The following TNMD variants were observed in gnomAD, a reference collection of about 807,000 sequenced individuals.
TNMD encodes the protein BRICHOS domain containing 4.
A neutral mutation model predicts 26.9 loss-of-function variants in TNMD; 15 were observed. The ratio of observed to expected loss-of-function variants is 0.56; its 90% CI spans 0.37 to 0.86. The LOEUF (loss-of-function observed/expected upper bound fraction) is 0.86, where lower values mean the gene tolerates loss of function less well. Ranked by LOEUF, TNMD falls within the 40% of genes least tolerant of loss-of-function variation. The pLI is 0.00. For synonymous variants in TNMD, 73 were observed against 77.0 expected (o/e 0.95, Z 0.27); for missense variants, 222 against 242.6 (o/e 0.92, Z 0.56).
intron 4 of TNMD, among the ~76,000 whole-genome samples, chrX:100,596,035 C>G (rs1412459146): frequency 8.9e-6 from 1 of 112,337 alleles, no homozygotes; most frequent in African/African-American, 3.2e-5. Flanking sequence ...AAGATTAAGG[C>G]AAAGGAGGCG....
chrX:100,587,422 G>A (rs1412054234), intron 2 of TNMD, among the ~76,000 whole-genome samples: 1 of 112,135 alleles, frequency 8.9e-6, no homozygotes, highest in African/African-American at 3.2e-5. Flanking sequence ...ATCCATTTTG[G>A]GATGTCATTT....
intron 5 of TNMD, among the ~76,000 whole-genome samples, chrX:100,598,237 G>C (rs1373765483): frequency 9.0e-6 from 1 of 111,405 alleles, no homozygotes; most frequent in Non-Finnish European, 1.9e-5. Flanking sequence ...AGTCTGTTTA[G>C]CTAACATGGA....
intron 5 of TNMD, 32 bp from the exon 6 acceptor site, chrX:100,598,984 G>A: frequency 8.7e-7 from 1 of 1,149,808 alleles, no homozygotes; most frequent in Non-Finnish European, 1.2e-6. Context: ...TTGCAAAGCA[G>A]TTGCATCACA....
At chrX:100,588,050 TA>T (rs1338202485) in intron 2 of TNMD, among the ~76,000 whole-genome samples, 8 of 111,838 alleles carry the variant, frequency 7.2e-5, no homozygotes, top group Non-Finnish European at 1.5e-4. Flanking sequence ...TTTGCTCTCC[TA>T]GCCTCCACCA....
chrX:100,586,993 G>A (rs1372867488), intron 2 of TNMD, among the ~76,000 whole-genome samples: 2 of 112,445 alleles, frequency 1.8e-5, no homozygotes, highest in Non-Finnish European at 3.8e-5. Flanking sequence ...CAGCCATAAT[G>A]TACTTAACTG....
At position 100,585,204 on chromosome X, in the gene TNMD, G is replaced by A. The variant is rs187400193; in HGVS notation, c.49-27G>A. 60 of 1,201,582 alleles carry A rather than the reference G, an allele frequency of 5.0e-5. 1 individual carries two copies. The East Asian group carries it at 1.7e-3, about 33-fold the overall frequency. On this transcript the variant is annotated intron_variant, in intron 1 of 6. Transcript: ENST00000373031. ...TGCTTATTGAGATTTATTGTGTATT[G>A]TTTTATTCTCTCTGTTCTTTGGTTA...
In TNMD at chrX:100,598,893, C is replaced by A. The variant is rs914789238; in HGVS notation, c.578-123C>A. On this transcript the variant is annotated intron_variant, in intron 5 of 6. Coordinates refer to ENST00000373031, the MANE Select transcript of TNMD (RefSeq NM_022144.3). ...AAGGAGCTTGGAAAAGTGGTCCATGCCTAAATGATGCCAGTTAGAAGACAC... is the reference window on the plus strand; with the variant it reads ...AAGGAGCTTGGAAAAGTGGTCCATGACTAAATGATGCCAGTTAGAAGACAC... The A allele has an allele frequency of 2.5e-5, 13 of 527,382 alleles. No individual in the cohort carries two copies. In the East Asian group the frequency reaches 4.7e-4, roughly 19 times the overall value. The allele number at this position is 527,382 out of a possible 1,213,427, so 43.5% of individuals were successfully genotyped here. A position where few individuals can be genotyped will look rare whatever the true frequency, so the allele number is the denominator to read the frequency against.
chrX:100,586,338 T>C (rs1414444303), intron 2 of TNMD, among the ~76,000 whole-genome samples: 1 of 111,445 alleles, frequency 9.0e-6, no homozygotes, highest in Non-Finnish European at 1.9e-5. Context: ...GTAACAGATG[T>C]AGGGAGAAAA....
At position 100,594,366 on chromosome X, in the gene TNMD, T is replaced by C; in HGVS notation, c.423+4T>C. ...ACCAGAAGAGGAAATAGATGAGGTATGTAAGAAGAATAATTGTGGTGGCAA... is the reference window on the plus strand; with the variant it reads ...ACCAGAAGAGGAAATAGATGAGGTACGTAAGAAGAATAATTGTGGTGGCAA... On this transcript the variant is annotated splice_donor_region_variant and intron_variant, in intron 4 of 6. Coordinates refer to ENST00000373031, the MANE Select transcript of TNMD (RefSeq NM_022144.3). The C allele has an allele frequency of 8.9e-7, 1 of 1,120,970 alleles. No individual in the cohort carries two copies. Among genetic ancestry groups the C allele is most frequent in the Non-Finnish European group, 1.2e-6 (1 of 821,449 alleles). The allele number at this position is 1,120,970 out of a possible 1,213,427, so 92.4% of individuals were successfully genotyped here.
chrX:100,593,695 C>A, intron 2 of TNMD, 200 bp from the exon 3 acceptor site: 1 of 369,219 alleles, frequency 2.7e-6, no homozygotes, highest in Non-Finnish European at 4.5e-6. Flanking sequence ...ACTTTATAGG[C>A]TGGTTTGCAA....
intron 2 of TNMD, among the ~76,000 whole-genome samples, chrX:100,593,102 T>C (rs780099464): frequency 8.9e-6 from 1 of 112,147 alleles, no homozygotes; most frequent in African/African-American, 3.2e-5. Context: ...AGAAATACAA[T>C]TGCCTCTTTT....
chrX:100,593,464 T>C, intron 2 of TNMD: 3 of 600,714 alleles, frequency 5.0e-6, no homozygotes, highest in South Asian at 1.7e-4. Flanking sequence ...GACTCAAGGC[T>C]GTTGTGGCAA....
chrX:100,595,756 C>T (rs927821838), intron 4 of TNMD, among the ~76,000 whole-genome samples: 1 of 111,123 alleles, frequency 9.0e-6, no homozygotes, highest in Non-Finnish European at 1.9e-5. Context: ...AAAGATGATG[C>T]TCTGCTCCCA....
chrX:100,595,798 T>G lies in TNMD; in HGVS notation c.423+1436T>G, dbSNP rs143735556. Reference sequence around the variant, plus strand: ...ACGGTAGTGACAAAGTTTGGAGACTTTTTTTAAAGTAAGCATAAGTTAGAT... The same window carrying G: ...ACGGTAGTGACAAAGTTTGGAGACTGTTTTTAAAGTAAGCATAAGTTAGAT... On this transcript the variant is annotated intron_variant, in intron 4 of 6. Transcript: ENST00000373031. 4.9e-4 allele frequency among the ~76,000 whole-genome samples: 55 copies of G among 111,601 alleles called. No homozygotes were observed. In the East Asian group the frequency reaches 0.015, roughly 31 times the overall value.
chrX:100,587,740 G>A (rs2082925934), intron 2 of TNMD, among the ~76,000 whole-genome samples: 1 of 112,033 alleles, frequency 8.9e-6, no homozygotes, highest in Non-Finnish European at 1.9e-5. Context: ...CTATCAACAA[G>A]CCTGCCTTAG....
chrX:100,599,509 C>A lies in TNMD; in HGVS notation c.746C>A (p.Thr249Asn). 8.3e-7 allele frequency: 1 copy of A among 1,204,829 alleles called. No individual in the cohort carries two copies. Among genetic ancestry groups the A allele is most frequent in the East Asian group, 3.0e-5 (1 of 33,731 alleles). ...AACACTGGCTTCTTCTTCTTTCAGA[C>A]TGAAAATGGAATAGAATTTGATCCC... ...SEEELPINDY[T>N]ENGIEFDPML... Residue 249 changes from threonine (T) to asparagine (N), a missense_variant and splice_region_variant, in exon 7 of 7, where the codon ACT (threonine) becomes AAT (asparagine). Coordinates refer to ENST00000373031, the MANE Select transcript of TNMD (RefSeq NM_022144.3).
chrX:100,594,416 C>A, intron 4 of TNMD, 54 bp downstream of exon 4: 1 of 775,127 alleles, frequency 1.3e-6, no homozygotes, highest in Non-Finnish European at 1.9e-6. Flanking sequence ...TGGATGCTAG[C>A]TATGTGCCAA....
intron 4 of TNMD, among the ~76,000 whole-genome samples, chrX:100,595,463 C>T (rs1260598616): frequency 9.1e-6 from 1 of 110,436 alleles, no homozygotes; most frequent in Non-Finnish European, 1.9e-5. Context: ...TTCTTTCTTT[C>T]TTTCTTTCTT....
Sources: allele counts gnomAD v4.1 joint callset (sites outside exome capture counted in the v4.1 genomes callset), GRCh38; gene constraint gnomAD v4.1.1; transcripts MANE v1.5; gene names NCBI Gene and HGNC (gene_info 2026-07-23, HGNC 2026-07-21).